Variants in SH3RF3 observed in about 807,000 individuals in gnomAD.
The protein encoded by SH3RF3 is E3 ubiquitin-protein ligase SH3RF3.
SH3RF3 carries 29 observed loss-of-function variants against 66.3 expected under a neutral mutation model. The ratio of observed to expected loss-of-function variants is 0.44; its 90% CI spans 0.33 to 0.60. The LOEUF is 0.60. Ranked by LOEUF, SH3RF3 falls within the 20% of genes least tolerant of loss-of-function variation. The pLI is 0.04. For synonymous variants in SH3RF3, 583 were observed against 532.0 expected (o/e 1.10, Z -1.32); for missense variants, 1,194 against 1,190.9 (o/e 1.00, Z -0.04).
rs1324392379 is a variant in SH3RF3 at position 109,254,848 on chromosome 2, GCT to G, written c.574-92821_574-92820del. On this transcript the variant is annotated intron_variant, in intron 1 of 9. Transcript: ENST00000309415. ...GCACTGCCTCGCCAGGGCAGTATCT[GCT>G]CTCTGTGGATGTCCGAATTCTCACG... 5.9e-5 allele frequency among the ~76,000 whole-genome samples: 9 copies of G among 152,274 alleles called. No individual in the cohort carries two copies. In the East Asian group the frequency reaches 1.5e-3, roughly 26 times the overall value.
intron 1 of SH3RF3, among the ~76,000 whole-genome samples, chr2:109,220,298 A>G (rs367668111): frequency 6.6e-6 from 1 of 152,246 alleles, no homozygotes; most frequent in South Asian, 2.1e-4. Context: ...AGATCTCAAC[A>G]TAAGAGCTAA....
chr2:109,438,488 T>C (rs567911623), intron 7 of SH3RF3, among the ~76,000 whole-genome samples: 118 of 152,336 alleles, frequency 7.7e-4, no homozygotes, highest in African/African-American at 2.7e-3. Context: ...GTCTGAGGAC[T>C]ACCCTGGTGT....
chr2:109,325,339 T>C (rs969909704), intron 1 of SH3RF3, among the ~76,000 whole-genome samples: 84 of 129,840 alleles, frequency 6.5e-4, no homozygotes, highest in Middle Eastern at 3.7e-3. Flanking sequence ...TTCTTTTTTT[T>C]TTTTTTTTTT....
intron 5 of SH3RF3, among the ~76,000 whole-genome samples, chr2:109,428,171 A>C (rs1412985055): frequency 1.3e-5 from 2 of 152,214 alleles, no homozygotes; most frequent in African/African-American, 2.4e-5. Context: ...CCTGGGAGAA[A>C]AGTAGAAGTG....
At position 109,338,705 on chromosome 2, in the gene SH3RF3, G is replaced by T. The variant is rs545979492; in HGVS notation, c.574-8969G>T. Among the ~76,000 whole-genome samples the T allele has an allele frequency of 1.1e-3, 169 of 152,270 alleles. 1 individual carries two copies. The highest frequency in any genetic ancestry group is 3.9e-3 in the African/African-American group (162 of 41,548). On this transcript the variant is annotated intron_variant, in intron 1 of 9. Transcript: ENST00000309415. ...CACAAGTAGCTGTGACTACAGGCAT[G>T]CGCCACCACGCCCGACTAATTTGTG...
chr2:109,306,807 T>C (rs1269151704), intron 1 of SH3RF3, among the ~76,000 whole-genome samples: 2 of 152,234 alleles, frequency 1.3e-5, no homozygotes, highest in East Asian at 1.9e-4. Flanking sequence ...GACTGGTTGA[T>C]TACGTATTTC....
intron 1 of SH3RF3, among the ~76,000 whole-genome samples, chr2:109,324,047 A>G (rs1013065111): frequency 1.3e-5 from 2 of 152,224 alleles, no homozygotes; most frequent in Admixed American, 1.3e-4. Context: ...ATTTCTATGA[A>G]TGGAAGCAGA....
chr2:109,345,616 C>G (rs1682673339), intron 1 of SH3RF3, among the ~76,000 whole-genome samples: 1 of 152,144 alleles, frequency 6.6e-6, no homozygotes, highest in African/African-American at 2.4e-5. Flanking sequence ...TTCTTACATC[C>G]CTTCAAAACT....
At chr2:109,223,036 C>T (rs1444992931) in intron 1 of SH3RF3, among the ~76,000 whole-genome samples, 1 of 152,244 alleles carries the variant, frequency 6.6e-6, no homozygotes, top group Non-Finnish European at 1.5e-5. Context: ...CTGTGGCCAT[C>T]AGATGGTGTG....
intron 3 of SH3RF3, among the ~76,000 whole-genome samples, chr2:109,387,079 A>ATGTG (rs1274280862): frequency 6.6e-6 from 1 of 152,234 alleles, no homozygotes; most frequent in Non-Finnish European, 1.5e-5. Context: ...ATATGAATAT[A>ATGTG]TGTGTAGAGA....
At chr2:109,482,386 A>T (rs1678856932) in intron 8 of SH3RF3, among the ~76,000 whole-genome samples, 1 of 152,178 alleles carries the variant, frequency 6.6e-6, no homozygotes, top group East Asian at 1.9e-4. Flanking sequence ...GCCAACTAAT[A>T]AATACCAGGG....
intron 8 of SH3RF3, among the ~76,000 whole-genome samples, chr2:109,475,814 T>A (rs1303589932): frequency 6.6e-6 from 1 of 152,160 alleles, no homozygotes; most frequent in East Asian, 1.9e-4. Flanking sequence ...AGTGACTGAG[T>A]GTCAGCACTC....
chr2:109,134,789 C>T (rs918960072), intron 1 of SH3RF3, among the ~76,000 whole-genome samples: 2 of 152,194 alleles, frequency 1.3e-5, no homozygotes, highest in African/African-American at 4.8e-5. Flanking sequence ...TTCCATTCAC[C>T]GTGCCTCACG....
At chr2:109,206,670 G>C (rs1028577607) in intron 1 of SH3RF3, among the ~76,000 whole-genome samples, 6 of 151,936 alleles carry the variant, frequency 3.9e-5, no homozygotes, top group Admixed American at 3.3e-4. Flanking sequence ...TTTTAAATTA[G>C]CTGGGCATAT....
At chr2:109,489,926 C>T (rs981410365) in intron 8 of SH3RF3, among the ~76,000 whole-genome samples, 2 of 152,132 alleles carry the variant, frequency 1.3e-5, no homozygotes, top group Admixed American at 1.3e-4. Context: ...TTAGTAGAGA[C>T]AGGGTTTCAC....
intron 8 of SH3RF3, among the ~76,000 whole-genome samples, chr2:109,483,377 G>A (rs1678884246): frequency 6.6e-6 from 1 of 152,140 alleles, no homozygotes; most frequent in African/African-American, 2.4e-5. Context: ...CCAGGTTCCA[G>A]CCTCACTCAC....
intron 1 of SH3RF3, among the ~76,000 whole-genome samples, chr2:109,249,002 C>T (rs1162669214): frequency 2.0e-5 from 3 of 152,148 alleles, no homozygotes; most frequent in Non-Finnish European, 4.4e-5. Flanking sequence ...CCACCTCAGC[C>T]TCCTGAGTAG....
intron 1 of SH3RF3, among the ~76,000 whole-genome samples, chr2:109,240,892 GTCTC>G (rs1160400962): frequency 8.1e-6 from 1 of 122,986 alleles, no homozygotes; most frequent in African/African-American, 3.3e-5. Context: ...CTCTCTCTCT[GTCTC>G]TCTGTCTTGC....
At chr2:109,395,526 C>T (rs148215952) in intron 3 of SH3RF3, among the ~76,000 whole-genome samples, 3 of 152,048 alleles carry the variant, frequency 2.0e-5, no homozygotes, top group Admixed American at 2.0e-4. Flanking sequence ...CTTCTCCTGC[C>T]GTCTGTTGAA....
Sources: allele counts gnomAD v4.1 joint callset (sites outside exome capture counted in the v4.1 genomes callset), GRCh38; gene constraint gnomAD v4.1.1; transcripts MANE v1.5; gene names NCBI Gene and HGNC (gene_info 2026-07-23, HGNC 2026-07-21).